The following BOLL variants were observed in gnomAD, a reference collection of about 807,000 sequenced individuals.
BOLL encodes protein boule-like.
A neutral mutation model predicts 44.4 loss-of-function variants in BOLL; 23 were observed. That is an observed-to-expected ratio of 0.52 (90% CI 0.37 to 0.73). The LOEUF (loss-of-function observed/expected upper bound fraction) is 0.73. BOLL is among the 30% of genes least tolerant of loss of function. The pLI is 0.00. For missense variants in BOLL, 287 were observed against 338.3 expected (o/e 0.85, Z 1.19); for synonymous variants, 97 against 110.8 (o/e 0.88, Z 0.78).
intron 4 of BOLL, among the ~76,000 whole-genome samples, chr2:197,776,459 G>A (rs891810785): frequency 6.6e-6 from 1 of 151,832 alleles, no homozygotes; most frequent in Non-Finnish European, 1.5e-5. Context: ...TGTGACCAGA[G>A]GTTCTTGGGA....
chr2:197,730,837 C>T (rs372575874), intron 10 of BOLL, among the ~76,000 whole-genome samples: 3,569 of 152,064 alleles, frequency 0.023, 80 homozygotes, highest in Non-Finnish European at 0.029. Context: ...AAGGAACAAC[C>T]GGTACCAGCC....
intron 9 of BOLL, among the ~76,000 whole-genome samples, chr2:197,744,966 G>A (rs769668313): frequency 2.0e-5 from 3 of 152,114 alleles, no homozygotes; most frequent in African/African-American, 4.8e-5. Flanking sequence ...CATCTAGATC[G>A]CAAGAGGCAG....
intron 10 of BOLL, among the ~76,000 whole-genome samples, chr2:197,738,645 A>T (rs1055194105): frequency 1.3e-5 from 2 of 152,182 alleles, no homozygotes; most frequent in African/African-American, 4.8e-5. Context: ...TAATTTTGAC[A>T]TTTGAAATTC....
rs1444386001 is a variant in BOLL at position 197,771,974 on chromosome 2, T to C, written c.361A>G (p.Ile121Val). 1.3e-6 allele frequency: 2 copies of C among 1,567,098 alleles called. No individual in the cohort carries two copies. Among genetic ancestry groups the C allele is most frequent in the African/African-American group, 1.4e-5 (1 of 73,368 alleles). ...TACATTGTTCCAGCTGCTGGCATTA[T>C]ACTAGAACCTAAAGCAAAGATTAAA... ...KQQVGIPRSS[I>V]MPAAGTMYLT... Residue 121 changes from isoleucine (I) to valine (V), a missense_variant, in exon 6 of 11, where the codon ATA becomes GTA. Ile to Val is a conservative substitution (Grantham distance 29). Transcript: ENST00000392296.
intron 10 of BOLL, among the ~76,000 whole-genome samples, chr2:197,742,165 C>T (rs1687771978): frequency 6.6e-6 from 1 of 152,172 alleles, no homozygotes; most frequent in African/African-American, 2.4e-5. Context: ...CAGGAAACAA[C>T]AGGTGCTGGA....
At chr2:197,746,984 A>C (rs1359935077) in intron 9 of BOLL, among the ~76,000 whole-genome samples, 1 of 151,846 alleles carries the variant, frequency 6.6e-6, no homozygotes, top group Non-Finnish European at 1.5e-5. Flanking sequence ...TGTTGGTCAA[A>C]GGTTACAGGG....
intron 9 of BOLL, among the ~76,000 whole-genome samples, chr2:197,744,284 A>G (rs1687897218): frequency 6.6e-6 from 1 of 152,228 alleles, no homozygotes; most frequent in South Asian, 2.1e-4. Flanking sequence ...ATATATGGCT[A>G]TGGATGATAA....
At chr2:197,757,635 G>A (rs1378318584) in intron 7 of BOLL, among the ~76,000 whole-genome samples, 1 of 152,070 alleles carries the variant, frequency 6.6e-6, no homozygotes, top group Non-Finnish European at 1.5e-5. Flanking sequence ...ATTAGGAAAT[G>A]TTTTTAAAAT....
chr2:197,728,242 C>A lies in BOLL; in HGVS notation c.*313G>T, dbSNP rs1686938080. The A allele has an allele frequency of 2.4e-6, 1 of 415,870 alleles. No individual in the cohort carries two copies. Among genetic ancestry groups the A allele is most frequent in the Non-Finnish European group, 4.2e-6 (1 of 236,118 alleles). 25.8% of individuals were successfully genotyped at this position (415,870 alleles called of 1,614,324 possible). A position where few individuals can be genotyped will look rare whatever the true frequency, so the allele number is the denominator to read the frequency against. On this transcript the variant is annotated 3_prime_UTR_variant, in exon 11 of 11. Transcript: ENST00000392296. The stretch of plus-strand genomic sequence containing the variant: ...CACAAAGCAGAGAAAATAAAAGACA[C>A]CTCACTATTCCCAATGTGGTTATTA...
chr2:197,731,787 C>T (rs1221273737), intron 10 of BOLL, among the ~76,000 whole-genome samples: 1 of 151,402 alleles, frequency 6.6e-6, no homozygotes, highest in Non-Finnish European at 1.5e-5. Context: ...ACACAACATA[C>T]CAGAATCTCT....
chr2:197,733,524 A>G (rs1687313178), intron 10 of BOLL, among the ~76,000 whole-genome samples: 1 of 151,850 alleles, frequency 6.6e-6, no homozygotes, highest in Non-Finnish European at 1.5e-5. Flanking sequence ...AGCCAAAAGA[A>G]CAAAGCTGGA....
At chr2:197,762,354 A>G (rs1688798111) in intron 7 of BOLL, among the ~76,000 whole-genome samples, 1 of 152,146 alleles carries the variant, frequency 6.6e-6, no homozygotes, top group Admixed American at 6.5e-5. Context: ...AAAAAGAAAA[A>G]AAGAAAAGAA....
intron 9 of BOLL, among the ~76,000 whole-genome samples, chr2:197,754,510 C>T (rs1293463534): frequency 6.6e-6 from 1 of 152,054 alleles, no homozygotes; most frequent in Non-Finnish European, 1.5e-5. Context: ...GAGCTCGAGA[C>T]CATCCTGGCC....
chr2:197,749,092 A>T (rs2106336647), intron 9 of BOLL, among the ~76,000 whole-genome samples: 1 of 152,332 alleles, frequency 6.6e-6, no homozygotes, highest in East Asian at 1.9e-4. Context: ...ACCCAGGCAA[A>T]CAGGGTCTGG....
At chr2:197,779,215 G>A (rs935693518) in intron 2 of BOLL, 149 bp from the exon 3 acceptor site, 4 of 562,910 alleles carry the variant, frequency 7.1e-6, no homozygotes, top group Non-Finnish European at 1.2e-5. Context: ...ACCACTAGGT[G>A]ATTAAAATCA....
At chr2:197,762,441 G>A (rs1688804441) in intron 7 of BOLL, among the ~76,000 whole-genome samples, 1 of 152,062 alleles carries the variant, frequency 6.6e-6, no homozygotes, top group Admixed American at 6.6e-5. Context: ...TAACTGAACA[G>A]CTGCAGAATA....
At chr2:197,729,523 A>G (rs1227808784) in intron 10 of BOLL, among the ~76,000 whole-genome samples, 1 of 152,172 alleles carries the variant, frequency 6.6e-6, no homozygotes, top group East Asian at 1.9e-4. Flanking sequence ...GGCACAGACA[A>G]ACAAAAAGAT....
chr2:197,779,031 C>G lies in BOLL; in HGVS notation c.165G>C (p.Gln55His). ...TCTTCACTTCTTTCACAGACCCATA[C>G]TGGGAAAAAAATTTTCTTAAATCAC... ...NESDLRKFFS[Q>H]YGSVKEVKIV... The change falls in exon 3 of 11, where the codon CAG (glutamine) becomes CAC (histidine). Residue 55 changes from glutamine (Q) to histidine (H), a missense_variant. Physicochemically the swap from Gln to His is conservative, Grantham distance 24. Transcript: ENST00000392296. The G allele has an allele frequency of 6.2e-7, 1 of 1,611,160 alleles. No homozygotes were observed. The highest frequency in any genetic ancestry group is 8.5e-7 in the Non-Finnish European group (1 of 1,178,424).
chr2:197,758,495 G>A (rs1417278877), intron 7 of BOLL, among the ~76,000 whole-genome samples: 1 of 152,168 alleles, frequency 6.6e-6, no homozygotes, highest in Non-Finnish European at 1.5e-5. Context: ...ATTACTGGTT[G>A]CCTAGCACTG....
Sources: allele counts gnomAD v4.1 joint callset (sites outside exome capture counted in the v4.1 genomes callset), GRCh38; gene constraint gnomAD v4.1.1; transcripts MANE v1.5; gene names NCBI Gene and HGNC (gene_info 2026-07-23, HGNC 2026-07-21).